ENTREP2: variants seen among roughly 807,000 people sequenced by gnomAD.
The protein encoded by ENTREP2 is endosomal transmembrane epsin interactor 2.
At chr15:29,346,446 C>T in the ENTREP2 span, among the ~76,000 whole-genome samples, 1 of 151,708 alleles carries the variant, frequency 6.6e-6, no homozygotes, top group Non-Finnish European at 1.5e-5. Flanking sequence ...CTCAGCCCCA[C>T]CCCAAGACAG....
the ENTREP2 span, among the ~76,000 whole-genome samples, chr15:29,586,617 C>T: frequency 2.0e-5 from 3 of 151,890 alleles, no homozygotes; most frequent in South Asian, 2.1e-4. Flanking sequence ...ATTAGCTGGG[C>T]GTGGTGGTGC....
the ENTREP2 span, among the ~76,000 whole-genome samples, chr15:29,406,088 T>G: frequency 1.3e-5 from 2 of 152,192 alleles, no homozygotes; most frequent in African/African-American, 4.8e-5. Context: ...CAATAACCTT[T>G]CCACATTACC....
chr15:29,563,031 T>A, the ENTREP2 span, among the ~76,000 whole-genome samples: 1 of 152,166 alleles, frequency 6.6e-6, no homozygotes, highest in East Asian at 1.9e-4. Flanking sequence ...GCTCATGTGA[T>A]CCACCTGCGT....
the ENTREP2 span, among the ~76,000 whole-genome samples, chr15:29,432,617 C>A: frequency 6.6e-6 from 1 of 152,214 alleles, no homozygotes; most frequent in East Asian, 1.9e-4. Context: ...CTGGGGGAAT[C>A]CGGCTGCAGC....
At chr15:29,643,749 C>T in the ENTREP2 span, among the ~76,000 whole-genome samples, 1 of 150,248 alleles carries the variant, frequency 6.7e-6, no homozygotes, top group South Asian at 2.1e-4. Context: ...CCACTGCACT[C>T]CAGCCTGGGT....
the ENTREP2 span, among the ~76,000 whole-genome samples, chr15:29,443,836 G>A: frequency 2.4e-4 from 37 of 152,088 alleles, no homozygotes; most frequent in Non-Finnish European, 4.4e-4. Flanking sequence ...CGGGCGCGGT[G>A]GCTCACACCT....
the ENTREP2 span, among the ~76,000 whole-genome samples, chr15:29,130,099 G>C: frequency 6.6e-6 from 1 of 152,128 alleles, no homozygotes; most frequent in African/African-American, 2.4e-5. Context: ...CAGGGCGGGG[G>C]CTGGGGCTGC....
At chr15:29,410,880 G>T in the ENTREP2 span, among the ~76,000 whole-genome samples, 1 of 152,160 alleles carries the variant, frequency 6.6e-6, no homozygotes, top group Non-Finnish European at 1.5e-5. Flanking sequence ...CCGCCTCCCA[G>T]GTTCAAGCAA....
chr15:29,560,699 C>T, the ENTREP2 span, among the ~76,000 whole-genome samples: 397 of 152,198 alleles, frequency 2.6e-3, 4 homozygotes, highest in Non-Finnish European at 2.3e-3. Context: ...CCCACAGCCT[C>T]ATCTAGGGAG....
the ENTREP2 span, among the ~76,000 whole-genome samples, chr15:29,194,901 A>C: frequency 2.0e-5 from 3 of 152,176 alleles, no homozygotes; most frequent in African/African-American, 7.2e-5. Flanking sequence ...GTGAGGCCCA[A>C]ATGCATCCCC....
chr15:29,160,252 G>A, the ENTREP2 span, among the ~76,000 whole-genome samples: 1 of 152,192 alleles, frequency 6.6e-6, no homozygotes, highest in African/African-American at 2.4e-5. Flanking sequence ...TCCCGCCCAC[G>A]CGTCTCCCTC....
chr15:29,488,177 G>A, the ENTREP2 span, among the ~76,000 whole-genome samples: 144 of 152,230 alleles, frequency 9.5e-4, 1 homozygote, highest in African/African-American at 3.1e-3. Flanking sequence ...GGAGCTAAAG[G>A]AAATCAGGAT....
chr15:29,130,209 T>C, the ENTREP2 span, among the ~76,000 whole-genome samples: 1 of 152,140 alleles, frequency 6.6e-6, no homozygotes, highest in Admixed American at 6.5e-5. Context: ...CCCAAGTGCG[T>C]CCTTTGATCT....
the ENTREP2 span, among the ~76,000 whole-genome samples, chr15:29,151,106 G>A: frequency 2.0e-5 from 3 of 152,156 alleles, no homozygotes; most frequent in African/African-American, 7.2e-5. Flanking sequence ...CAGGAAGAGC[G>A]TTCATTATTT....
the ENTREP2 span, among the ~76,000 whole-genome samples, chr15:29,486,447 T>C: frequency 6.6e-6 from 1 of 152,168 alleles, no homozygotes; most frequent in African/African-American, 2.4e-5. Context: ...TCCCAGCACT[T>C]TGGGAGGCCG....
the ENTREP2 span, chr15:29,374,810 C>T: frequency 6.6e-6 from 1 of 152,048 alleles, no homozygotes; most frequent in Admixed American, 6.5e-5. Context: ...ATGTATATTG[C>T]ATTGCAATGC....
chr15:29,458,563 G>A, the ENTREP2 span, among the ~76,000 whole-genome samples: 3 of 152,004 alleles, frequency 2.0e-5, no homozygotes, highest in Non-Finnish European at 4.4e-5. Flanking sequence ...TGGAGCTTCC[G>A]ATCCCTGCCC....
At chr15:29,269,042 G>T in the ENTREP2 span, 4 of 1,614,140 alleles carry the variant, frequency 2.5e-6, 1 homozygote, top group South Asian at 3.3e-5. Flanking sequence ...TCAGTAATGA[G>T]TTTCTTTGGA....
the ENTREP2 span, chr15:29,269,602 T>C: frequency 6.4e-7 from 1 of 1,558,572 alleles, no homozygotes; most frequent in Non-Finnish European, 8.6e-7. Flanking sequence ...AACCCGGGCG[T>C]CTTCCCCGGC....
Sources: allele counts gnomAD v4.1 joint callset (sites outside exome capture counted in the v4.1 genomes callset), GRCh38; gene constraint gnomAD v4.1.1; transcripts MANE v1.5; gene names NCBI Gene and HGNC (gene_info 2026-07-23, HGNC 2026-07-21).